Variants in IFNAR2 observed in about 807,000 individuals in gnomAD.
IFNAR2 encodes the protein interferon alpha/beta receptor 2.
In IFNAR2, 30 loss-of-function variants were observed where a neutral mutation model predicts 49.4. The observed-to-expected ratio is 0.61, with a 90% confidence interval of 0.45 to 0.82. The LOEUF (loss-of-function observed/expected upper bound fraction) is 0.82, where lower values mean the gene tolerates loss of function less well. Ranked by LOEUF, IFNAR2 falls within the 40% of genes least tolerant of loss-of-function variation. The pLI, the probability that IFNAR2 is intolerant of heterozygous loss-of-function variation, is 0.00. For synonymous variants in IFNAR2, 224 were observed against 234.5 expected (o/e 0.96, Z 0.41); for missense variants, 600 against 622.7 (o/e 0.96, Z 0.39).
intron 8 of IFNAR2, 32 bp from the exon 9 acceptor site, chr21:33,262,761 G>T (rs756789192): frequency 4.8e-5 from 76 of 1,577,166 alleles, no homozygotes; most frequent in Non-Finnish European, 6.4e-5. Context: ...CAGCTGATAC[G>T]GACTCTCTCT....
Position 33,230,239 on chromosome 21 carries a change from C to T in IFNAR2, c.-84+23C>T, listed in dbSNP as rs952075691. The T allele has an allele frequency of 2.7e-6, 3 of 1,095,642 alleles. No individual in the cohort carries two copies. Among genetic ancestry groups the T allele is most frequent in the Non-Finnish European group, 3.4e-6 (3 of 892,440 alleles). 67.9% of individuals were successfully genotyped at this position (1,095,642 alleles called of 1,614,324 possible). ...AAGGTAACGCAGCGTGGCGGGGTCG[C>T]GGGAGCGGAGCGCGTGGCCAGCTGA... On this transcript the variant is annotated intron_variant, in intron 1 of 8. Transcript: ENST00000342136. This position sits in a 1 kb window ranked among gnomAD's most constrained non-coding sequence, Gnocchi z 5.5.
chr21:33,262,481 T>C (rs1458811728), intron 8 of IFNAR2: 6 of 657,102 alleles, frequency 9.1e-6, no homozygotes, highest in South Asian at 1.7e-5. Flanking sequence ...ATGGTGTAAC[T>C]GTTAGCTGTT....
chr21:33,263,482 T>C lies in IFNAR2; in HGVS notation c.1530T>C (p.Asp510=). Residue 510 remains aspartate (D), a synonymous_variant, in exon 9 of 9, where the codon GAT becomes GAC. Transcript: ENST00000342136. ...DTSESDVDLG[D]GYIMR is the part of the protein sequence containing the mutation. Reference sequence around the variant, plus strand: ...CTGAGTCAGATGTTGACCTTGGGGATGGTTATATAATGAGATGACTCCAAA... The same window carrying C: ...CTGAGTCAGATGTTGACCTTGGGGACGGTTATATAATGAGATGACTCCAAA... 7 of 1,611,408 alleles carry C rather than the reference T, an allele frequency of 4.3e-6. No individual in the cohort carries two copies. The highest frequency in any genetic ancestry group is 5.9e-6 in the Non-Finnish European group (7 of 1,178,830).
At chr21:33,254,975 C>T (rs745467720) in intron 7 of IFNAR2, among the ~76,000 whole-genome samples, 33 of 152,272 alleles carry the variant, frequency 2.2e-4, no homozygotes, top group African/African-American at 6.7e-4. Flanking sequence ...AAGTGAGCCA[C>T]GGAACGTTGC....
chr21:33,232,964 G>A, intron 1 of IFNAR2: 1 of 982,810 alleles, frequency 1.0e-6, no homozygotes, highest in South Asian at 4.7e-5. Context: ...AACGTGGATT[G>A]CAAGACGTCT....
intron 7 of IFNAR2, among the ~76,000 whole-genome samples, chr21:33,258,607 A>G (rs1183198906): frequency 6.6e-6 from 1 of 152,142 alleles, no homozygotes; most frequent in African/African-American, 2.4e-5. Flanking sequence ...TACGGTGGCA[A>G]TGGGAAACAA....
At chr21:33,240,813 T>G (rs1282860415) in intron 1 of IFNAR2, among the ~76,000 whole-genome samples, 2 of 75,496 alleles carry the variant, frequency 2.6e-5, no homozygotes, top group Admixed American at 1.4e-4. Context: ...AAGACCCGTC[T>G]CAAAAAAAAA....
rs1376397663 is a variant in IFNAR2, at chr21:33,264,776, G to A, written c.*1276G>A. ...TGCCTAAACAGGCGTATCGCTTGAG[G>A]CCAGTAATTCGAGACCAGCCTGGGC... On this transcript the variant is annotated 3_prime_UTR_variant, in exon 9 of 9. Coordinates refer to ENST00000342136, the MANE Select transcript of IFNAR2 (RefSeq NM_001289125.3). 1 of 152,222 alleles carries A rather than the reference G, an allele frequency of 6.6e-6. No homozygotes were observed. The highest frequency in any genetic ancestry group is 2.4e-5 in the African/African-American group (1 of 41,420). The allele number at this position is 152,222 out of a possible 1,614,324, so 9.4% of individuals were successfully genotyped here. A position where few individuals can be genotyped will look rare whatever the true frequency, so the allele number is the denominator to read the frequency against.
Position 33,262,857 on chromosome 21 carries a change from TGGA to T in IFNAR2, c.908_910del (p.Glu303del), listed in dbSNP as rs759162216. 2 of 1,613,116 alleles carry T rather than the reference TGGA, an allele frequency of 1.2e-6. No individual in the cohort carries two copies. Among genetic ancestry groups the T allele is most frequent in the Non-Finnish European group, 8.5e-7 (1 of 1,179,804 alleles). On this transcript the variant is annotated inframe_deletion, in exon 9 of 9. Coordinates refer to ENST00000342136, the MANE Select transcript of IFNAR2 (RefSeq NM_001289125.3). ...CCACCGTTGGAAGCCATGGATATGG[TGGA>T]GGTCATTTACATCAACAGAAAGAAG...
intron 1 of IFNAR2, chr21:33,232,932 G>A (rs1362205813): frequency 3.1e-6 from 3 of 982,198 alleles, no homozygotes; most frequent in Non-Finnish European, 3.6e-6. Flanking sequence ...TGGTAAGGGG[G>A]AAAAATAGGA....
rs968151335 is a variant in IFNAR2, at chr21:33,251,831, C to T, written c.541-831C>T. 7 of 953,280 alleles carry T rather than the reference C, an allele frequency of 7.3e-6. No homozygotes were observed. The African/African-American group carries it at 1.2e-4, about 17-fold the overall frequency. The allele number at this position is 953,280 out of a possible 1,614,324, so 59.1% of individuals were successfully genotyped here. A position where few individuals can be genotyped will look rare whatever the true frequency, so the allele number is the denominator to read the frequency against. On this transcript the variant is annotated intron_variant, in intron 6 of 8. Transcript: ENST00000342136. ...GGCACAGTGGCTTACGCCTGTAATC[C>T]CAGCACTTTGGAAGGCCAAGGCAGG...
intron 5 of IFNAR2, among the ~76,000 whole-genome samples, chr21:33,247,410 C>A (rs761058184): frequency 1.3e-5 from 2 of 151,986 alleles, no homozygotes; most frequent in African/African-American, 2.4e-5. Flanking sequence ...CACCACCATA[C>A]CTGGCTCATT....
chr21:33,243,146 G>T (rs189575875), intron 2 of IFNAR2, among the ~76,000 whole-genome samples: 93 of 150,740 alleles, frequency 6.2e-4, no homozygotes, highest in Non-Finnish European at 4.3e-4. Context: ...TGCAGTGAGC[G>T]ATCTCACCTC....
At position 33,262,889 on chromosome 21, in the gene IFNAR2, G is replaced by C. The variant is rs1988733156; in HGVS notation, c.937G>C (p.Val313Leu). 9.3e-6 allele frequency: 15 copies of C among 1,613,998 alleles called. No individual in the cohort carries two copies. Among genetic ancestry groups the C allele is most frequent in the Non-Finnish European group, 1.3e-5 (15 of 1,180,044 alleles). ...EVIYINRKKK[V>L]WDYNYDDESD... ...CATTTACATCAACAGAAAGAAGAAA[G>C]TGTGGGATTATAATTATGATGATGA... Residue 313 changes from valine (V) to leucine (L), a missense_variant, in exon 9 of 9, where the codon GTG becomes CTG. Val to Leu is a conservative substitution (Grantham distance 32, BLOSUM62 1). Transcript: ENST00000342136.
chr21:33,253,296 G>C (rs1243308965), intron 7 of IFNAR2, among the ~76,000 whole-genome samples: 2 of 152,192 alleles, frequency 1.3e-5, no homozygotes, highest in African/African-American at 4.8e-5. Context: ...GGGTGTACGA[G>C]AAAATCACTG....
At chr21:33,255,211 A>G (rs1988126731) in intron 7 of IFNAR2, among the ~76,000 whole-genome samples, 1 of 152,248 alleles carries the variant, frequency 6.6e-6, no homozygotes. Flanking sequence ...ATAAATGTGC[A>G]TGTCTTTGTT....
At chr21:33,237,177 T>A in intron 1 of IFNAR2, among the ~76,000 whole-genome samples, 1 of 151,060 alleles carries the variant, frequency 6.6e-6, no homozygotes, top group African/African-American at 2.4e-5. Context: ...TGTGCCACCG[T>A]TGGAGACAAA....
chr21:33,230,391 T>C lies in IFNAR2; in HGVS notation c.-84+175T>C. ...TCTTGAGTATGCGGCTAGTGCGCCCTTCCTCTCTCCCGGGGCCGCACCTGC... is the reference window on the plus strand; with the variant it reads ...TCTTGAGTATGCGGCTAGTGCGCCCCTCCTCTCTCCCGGGGCCGCACCTGC... On this transcript the variant is annotated intron_variant, in intron 1 of 8. Transcript: ENST00000342136. This position sits in a 1 kb window ranked among gnomAD's most constrained non-coding sequence, Gnocchi z 5.5. 1 of 530,844 alleles carries C rather than the reference T, an allele frequency of 1.9e-6. No homozygotes were observed. Among genetic ancestry groups the C allele is most frequent in the Non-Finnish European group, 3.0e-6 (1 of 328,404 alleles). 32.9% of individuals were successfully genotyped at this position (530,844 alleles called of 1,614,324 possible). A position where few individuals can be genotyped will look rare whatever the true frequency, so the allele number is the denominator to read the frequency against.
chr21:33,246,681 C>T (rs759122749), intron 4 of IFNAR2, 37 bp from the exon 5 acceptor site: 1 of 1,571,082 alleles, frequency 6.4e-7, no homozygotes, highest in South Asian at 1.1e-5. Flanking sequence ...TACATCAATG[C>T]TAACAATTTC....
Sources: gnomAD v4.1 joint callset for allele counts (sites outside exome capture counted in the v4.1 genomes callset) on GRCh38, gnomAD v4.1.1 for gene constraint, Gnocchi (gnomAD v3.1) non-coding constraint, MANE v1.5 for transcripts, NCBI Gene and HGNC (gene_info 2026-07-23, HGNC 2026-07-21) for gene names.